Variants in EGLN3 observed in about 807,000 individuals in gnomAD.
The protein encoded by EGLN3 is prolyl hydroxylase EGLN3.
Under a neutral mutation model 26.0 loss-of-function variants are expected in EGLN3, and 15 were observed. The ratio of observed to expected loss-of-function variants is 0.58; its 90% CI spans 0.39 to 0.89. The LOEUF (loss-of-function observed/expected upper bound fraction) is 0.89, where lower values mean the gene tolerates loss of function less well. EGLN3 is among the 40% of genes least tolerant of loss of function. The probability of loss-of-function intolerance (pLI) is 0.00; values close to 1 mark genes in which losing one functional copy is unlikely to be tolerated. For synonymous variants in EGLN3, 147 were observed against 127.2 expected, an observed-to-expected ratio of 1.16 and a Z score of -1.05; for missense variants, 238 against 311.6, an observed-to-expected ratio of 0.76 and a Z score of 1.78.
chr14:33,932,700 C>T (rs2064413154), intron 1 of EGLN3, among the ~76,000 whole-genome samples: 1 of 152,180 alleles, frequency 6.6e-6, no homozygotes. Context: ...TGATGTCATC[C>T]TTAGAGCTCA....
At chr14:33,950,304 G>T (rs755116455) in intron 1 of EGLN3, 92 bp downstream of exon 1, 2 of 1,232,964 alleles carry the variant, frequency 1.6e-6, no homozygotes, top group Non-Finnish European at 2.4e-6. Flanking sequence ...AACAAAGTTC[G>T]CTTACGGCCC....
intron 1 of EGLN3, among the ~76,000 whole-genome samples, chr14:33,932,525 C>T (rs566497879): frequency 3.3e-5 from 5 of 152,080 alleles, no homozygotes; most frequent in Admixed American, 1.3e-4. Flanking sequence ...CATGAAAACA[C>T]GGAACTAGGC....
chr14:33,932,683 G>A (rs1207215491), intron 1 of EGLN3, among the ~76,000 whole-genome samples: 4 of 152,190 alleles, frequency 2.6e-5, no homozygotes, highest in African/African-American at 7.2e-5. Context: ...ACATCAAAAT[G>A]TCAATGTGAT....
chr14:33,946,459 A>T (rs1566601869), intron 1 of EGLN3, among the ~76,000 whole-genome samples: 1 of 152,178 alleles, frequency 6.6e-6, no homozygotes, highest in Non-Finnish European at 1.5e-5. Flanking sequence ...CAACTGACCC[A>T]CTTCAATGTT....
At chr14:33,933,011 T>TC (rs946712243) in intron 1 of EGLN3, among the ~76,000 whole-genome samples, 18 of 151,810 alleles carry the variant, frequency 1.2e-4, no homozygotes, top group Admixed American at 1.2e-3. Flanking sequence ...TATCTCAGGC[T>TC]CCCCCCACTG....
At position 33,931,167 on chromosome 14, in the gene EGLN3, C is replaced by T. The variant is rs17102002; in HGVS notation, c.406G>A (p.Val136Met). Reference protein sequence around the residue: ...PGNGTGYVRHVDNPNGDGRCI... With the variant: ...PGNGTGYVRHMDNPNGDGRCI... ...CGACCATCACCGTTGGGGTTGTCCA[C>T]GTGGCGAACATAACCTGTTCCATTT... is the stretch of plus-strand genomic sequence containing the variant. The change falls in exon 2 of 5, where the codon GTG (valine) becomes ATG (methionine). Residue 136 changes from valine to methionine, a missense_variant. By Grantham distance (21) the Val-to-Met change is conservative (BLOSUM62 1). Coordinates refer to ENST00000250457, the MANE Select transcript of EGLN3 (RefSeq NM_022073.4). The T allele has an allele frequency of 6.2e-7, 1 of 1,614,210 alleles. No homozygotes were observed. Among genetic ancestry groups the T allele is most frequent in the Non-Finnish European group, 8.5e-7 (1 of 1,180,028 alleles).
At chr14:33,945,440 AC>A (rs2064511162) in intron 1 of EGLN3, among the ~76,000 whole-genome samples, 1 of 152,182 alleles carries the variant, frequency 6.6e-6, no homozygotes, top group Non-Finnish European at 1.5e-5. Flanking sequence ...CCAAGGTGAG[AC>A]AATCAGACTT....
intron 1 of EGLN3, among the ~76,000 whole-genome samples, chr14:33,934,800 A>C: frequency 6.6e-6 from 1 of 152,372 alleles, no homozygotes; most frequent in East Asian, 1.9e-4. Flanking sequence ...TCGATCTTGA[A>C]CAAGTTATAA....
Position 33,925,307 on chromosome 14 carries a change from T to C in EGLN3, c.*584A>G, listed in dbSNP as rs2064354168. ...TTGCAGGACTGGGAAAAAAGGAGTG[T>C]CTGCCCCATGGGACACTTATAAATT... On this transcript the variant is annotated 3_prime_UTR_variant, in exon 5 of 5. Coordinates refer to ENST00000250457, the MANE Select transcript of EGLN3 (RefSeq NM_022073.4). 1 of 152,176 alleles carries C rather than the reference T, an allele frequency of 6.6e-6. No individual in the cohort carries two copies. The highest frequency in any genetic ancestry group is 1.5e-5 in the Non-Finnish European group (1 of 68,044). 9.4% of individuals were successfully genotyped at this position (152,176 alleles called of 1,614,324 possible).
At chr14:33,939,990 A>G (rs1202186431) in intron 1 of EGLN3, among the ~76,000 whole-genome samples, 1 of 152,228 alleles carries the variant, frequency 6.6e-6, no homozygotes, top group Non-Finnish European at 1.5e-5. Flanking sequence ...TCACCCTTCC[A>G]GAGTGATAGA....
intron 2 of EGLN3, among the ~76,000 whole-genome samples, chr14:33,929,841 A>C (rs1301479756): frequency 2.0e-5 from 3 of 152,236 alleles, no homozygotes; most frequent in Admixed American, 6.5e-5. Flanking sequence ...CAGTGATCTC[A>C]CATGGTTCCA....
In EGLN3 at chr14:33,931,483, C is replaced by A. The variant is rs74439121; in HGVS notation, c.358-268G>T. 3,806 of 429,296 alleles carry A rather than the reference C, an allele frequency of 8.9e-3. 30 individuals are homozygous for A. The highest frequency in any genetic ancestry group is 0.017 in the Middle Eastern group (27 of 1,570). The allele number at this position is 429,296 out of a possible 1,614,324, so 26.6% of individuals were successfully genotyped here. ...TTTTACACAGTCTTTCTTAAAGTAACCTATCTGCATGCCCTGTTTGCATAA... is the reference window on the plus strand; with the variant it reads ...TTTTACACAGTCTTTCTTAAAGTAAACTATCTGCATGCCCTGTTTGCATAA... On this transcript the variant is annotated intron_variant, in intron 1 of 4. Transcript: ENST00000250457.
At chr14:33,940,957 A>C (rs2138822913) in intron 1 of EGLN3, among the ~76,000 whole-genome samples, 1 of 152,306 alleles carries the variant, frequency 6.6e-6, no homozygotes, top group South Asian at 2.1e-4. Flanking sequence ...TGTCGGTGCG[A>C]GTCTGCTCTC....
intron 1 of EGLN3, among the ~76,000 whole-genome samples, chr14:33,936,236 T>TATAA (rs149218618): frequency 6.0e-5 from 9 of 150,018 alleles, no homozygotes; most frequent in African/African-American, 9.8e-5. Context: ...TCTCAAAAAA[T>TATAA]ATAAATAAAT....
At chr14:33,949,400 T>C (rs191267997) in intron 1 of EGLN3, 9 of 152,364 alleles carry the variant, frequency 5.9e-5, no homozygotes, top group African/African-American at 2.2e-4. Context: ...TTCCCTCTCA[T>C]GCCGGTATAC....
intron 1 of EGLN3, among the ~76,000 whole-genome samples, chr14:33,938,255 A>G (rs2064456092): frequency 6.6e-6 from 1 of 152,186 alleles, no homozygotes; most frequent in Admixed American, 6.5e-5. Flanking sequence ...CCCTCCCCCA[A>G]GAAGCCACTG....
Position 33,944,367 on chromosome 14 carries a change from G to A in EGLN3, c.357+6029C>T, listed in dbSNP as rs530515495. Among the ~76,000 whole-genome samples, 12 of 152,130 alleles carry A rather than the reference G, an allele frequency of 7.9e-5. No homozygotes were observed. In the South Asian group the frequency reaches 1.2e-3, roughly 16 times the overall value. On this transcript the variant is annotated intron_variant, in intron 1 of 4. Transcript: ENST00000250457. ...AAACTCCTGACCTTGTGATCTGCCC[G>A]CCTCGGCCTCCCAAAGTGCTGGGAT...
chr14:33,935,616 CACACAT>C (rs55810108), intron 1 of EGLN3, among the ~76,000 whole-genome samples: 41,798 of 138,488 alleles, frequency 0.3, 6,858 homozygotes, highest in Non-Finnish European at 0.41. Flanking sequence ...CACACACACA[CACACAT>C]ATATATATAT....
chr14:33,932,239 G>A (rs1159404575), intron 1 of EGLN3, among the ~76,000 whole-genome samples: 2 of 152,090 alleles, frequency 1.3e-5, no homozygotes, highest in Non-Finnish European at 2.9e-5. Flanking sequence ...ACATACAGAA[G>A]GTGTCCATCT....
Sources: allele counts gnomAD v4.1 joint callset (sites outside exome capture counted in the v4.1 genomes callset), GRCh38; gene constraint gnomAD v4.1.1; transcripts MANE v1.5; gene names NCBI Gene and HGNC (gene_info 2026-07-23, HGNC 2026-07-21).